CDCA2: variants seen among roughly 807,000 people sequenced by gnomAD.
The protein encoded by CDCA2 is cell division cycle-associated protein 2.
Under a neutral mutation model 67.0 loss-of-function variants are expected in CDCA2, and 44 were observed. The observed-to-expected ratio is 0.66, with a 90% CI of 0.52 to 0.84. CDCA2 has a LOEUF of 0.84. CDCA2 is among the 40% of genes least tolerant of loss of function. CDCA2 has a pLI of 0.00. For missense variants in CDCA2, 1,253 were observed against 1,203.2 expected, an observed-to-expected ratio of 1.04 and a Z score of -0.61; for synonymous variants, 447 against 418.7, an observed-to-expected ratio of 1.07 and a Z score of -0.82.
intron 7 of CDCA2, among the ~76,000 whole-genome samples, chr8:25,472,768 T>A (rs66471028): frequency 0.4 from 61,595 of 152,098 alleles, 12,883 homozygotes; most frequent in African/African-American, 0.52. Context: ...GGGAACAATA[T>A]GATATTTTGA....
intron 6 of CDCA2, among the ~76,000 whole-genome samples, chr8:25,468,626 G>GT: frequency 6.6e-6 from 1 of 151,816 alleles, no homozygotes; most frequent in Non-Finnish European, 1.5e-5. Context: ...ATTAGAAACA[G>GT]TTTGGATAAT....
intron 5 of CDCA2, 91 bp from the exon 6 acceptor site, chr8:25,468,126 A>AG (rs1802991349): frequency 8.5e-6 from 4 of 472,544 alleles, no homozygotes; most frequent in Non-Finnish European, 1.1e-5. Flanking sequence ...CTCAAAAAAA[A>AG]AAAAAAAAAA....
rs1167165129 is a variant in CDCA2 at position 25,507,372 on chromosome 8, C to T, written c.2706C>T (p.Asn902=). Residue 902 remains asparagine, a synonymous_variant, in exon 15 of 15, where the codon AAC becomes AAT. Coordinates refer to ENST00000330560, the MANE Select transcript of CDCA2 (RefSeq NM_152562.4). ...RSTRLQKDLE[N]EGLVWISLPL... ...CGAGGCTACAGAAGGATTTAGAAAA[C>T]GAAGGTCTTGTATGGATTTCACTTC... 10 of 1,613,220 alleles carry T rather than the reference C, an allele frequency of 6.2e-6. No homozygotes were observed. The highest frequency in any genetic ancestry group is 8.5e-6 in the Non-Finnish European group (10 of 1,179,884).
rs753752614 is a variant in CDCA2, at chr8:25,462,058, GTCA to G, written c.243_245del (p.Ser82del). On this transcript the variant is annotated inframe_deletion, in exon 4 of 15. Transcript: ENST00000330560. ...TATAAGAGAGTTTCATTACAGGAAA[GTCA>G]TCATCCTACCTTAAAAAATGTAGAC... is the stretch of plus-strand genomic sequence containing the variant. 2.5e-6 allele frequency: 4 copies of G among 1,613,388 alleles called. No homozygotes were observed. The highest frequency in any genetic ancestry group is 2.7e-5 in the African/African-American group (2 of 75,022).
At chr8:25,492,190 C>T (rs1804036647) in intron 13 of CDCA2, among the ~76,000 whole-genome samples, 1 of 152,024 alleles carries the variant, frequency 6.6e-6, no homozygotes. Flanking sequence ...GGCTCAATCA[C>T]TTCTCTCACC....
Position 25,507,897 on chromosome 8 carries a change from TTTC to T in CDCA2, c.*163_*165del, listed in dbSNP as rs1235466547. On this transcript the variant is annotated 3_prime_UTR_variant, in exon 15 of 15. Coordinates refer to ENST00000330560, the MANE Select transcript of CDCA2 (RefSeq NM_152562.4). Reference sequence around the variant, plus strand: ...CTACTTTTATGTAGAAATAAATAAGTTTCTTCATCATTCAGATAGAAAACATTC... The same window carrying T: ...CTACTTTTATGTAGAAATAAATAAGTTTCATCATTCAGATAGAAAACATTC... 7.1e-5 allele frequency: 41 copies of T among 580,954 alleles called. No individual in the cohort carries two copies. The highest frequency in any genetic ancestry group is 9.6e-5 in the Non-Finnish European group (36 of 374,814). 36.0% of individuals were successfully genotyped at this position (580,954 alleles called of 1,614,324 possible).
chr8:25,466,181 C>G lies in CDCA2; in HGVS notation c.394C>G (p.Pro132Ala). 6.2e-7 allele frequency: 1 copy of G among 1,609,048 alleles called. No individual in the cohort carries two copies. The highest frequency in any genetic ancestry group is 8.5e-7 in the Non-Finnish European group (1 of 1,178,772). Residue 132 changes from proline to alanine, a missense_variant, in exon 5 of 15, where the codon CCT becomes GCT. By Grantham distance (27) the Pro-to-Ala change is conservative. Transcript: ENST00000330560. ...ATATTTTGCACTTTCACAGGGCAGC[C>G]CTGCACTGTATCGAAATGTTAACAC... ...LAQDSPSQGSPALYRNVNTLR... is the reference protein window; with the variant it reads ...LAQDSPSQGSAALYRNVNTLR...
intron 9 of CDCA2, 93 bp downstream of exon 9, chr8:25,483,579 T>C: frequency 2.5e-6 from 2 of 803,046 alleles, no homozygotes; most frequent in Admixed American, 2.7e-5. Flanking sequence ...TGATCTATAA[T>C]GCCTTAGTGC....
chr8:25,460,995 C>T (rs771853043), intron 3 of CDCA2, among the ~76,000 whole-genome samples: 5 of 152,098 alleles, frequency 3.3e-5, no homozygotes, highest in Non-Finnish European at 7.4e-5. Flanking sequence ...GGGTTGGGCT[C>T]AGTGGCTCAA....
intron 3 of CDCA2, 46 bp downstream of exon 3, chr8:25,460,600 ATAACT>A: frequency 6.4e-7 from 1 of 1,552,088 alleles, no homozygotes; most frequent in Non-Finnish European, 8.7e-7. Flanking sequence ...AAGTTTAAAA[ATAACT>A]TTAATATAAC....
intron 13 of CDCA2, among the ~76,000 whole-genome samples, chr8:25,491,655 C>T (rs371006278): frequency 1.3e-3 from 193 of 152,334 alleles, no homozygotes; most frequent in African/African-American, 4.3e-3. Flanking sequence ...GTCTCACTCT[C>T]ACCCAGGCTG....
intron 7 of CDCA2, among the ~76,000 whole-genome samples, chr8:25,477,518 T>C (rs749190619): frequency 2.6e-5 from 4 of 152,206 alleles, no homozygotes; most frequent in South Asian, 2.1e-4. Context: ...TTTCTGGATT[T>C]TCAGGTTAGA....
At chr8:25,485,934 C>T in intron 11 of CDCA2, 97 bp downstream of exon 11, 1 of 640,060 alleles carries the variant, frequency 1.6e-6, no homozygotes, top group Non-Finnish European at 2.6e-6. Context: ...TATTTGTTAC[C>T]ACAACATATA....
chr8:25,463,078 T>C (rs12675625), intron 4 of CDCA2, among the ~76,000 whole-genome samples: 32,376 of 152,120 alleles, frequency 0.21, 4,076 homozygotes, highest in East Asian at 0.55. Context: ...TACTTTTCTA[T>C]GAGGTGAGGC....
rs752666454 is a variant in CDCA2, at chr8:25,484,026, C to T, written c.1181C>T (p.Thr394Ile). The change falls in exon 10 of 15, where the codon ACT becomes ATT. Residue 394 changes from threonine to isoleucine, a missense_variant. Physicochemically the swap from Thr to Ile is moderately conservative, Grantham distance 89. Coordinates refer to ENST00000330560, the MANE Select transcript of CDCA2 (RefSeq NM_152562.4). ...AATATGAGGAAGAGGAAGAGAGTTA[C>T]TTTTGGAGAGGACTTAAGCCCGGAA... ...FLNMRKRKRV[T>I]FGEDLSPEVF... is the part of the protein sequence containing the mutation. 7 of 1,614,008 alleles carry T rather than the reference C, an allele frequency of 4.3e-6. No individual in the cohort carries two copies. Among genetic ancestry groups the T allele is most frequent in the Non-Finnish European group, 5.9e-6 (7 of 1,180,032 alleles).
chr8:25,492,939 G>A (rs1169761940), intron 13 of CDCA2, among the ~76,000 whole-genome samples: 1 of 152,140 alleles, frequency 6.6e-6, no homozygotes, highest in Non-Finnish European at 1.5e-5. Context: ...GTTCATTCCT[G>A]CCTCCAGTGC....
chr8:25,485,598 A>G (rs1270713927), intron 10 of CDCA2, among the ~76,000 whole-genome samples, 161 bp from the exon 11 acceptor site: 3 of 152,126 alleles, frequency 2.0e-5, no homozygotes, highest in Admixed American at 1.3e-4. Flanking sequence ...TTTCTATTCA[A>G]TATCTTTGTT....
At chr8:25,489,766 A>T (rs1366643054) in intron 13 of CDCA2, among the ~76,000 whole-genome samples, 1 of 152,210 alleles carries the variant, frequency 6.6e-6, no homozygotes, top group African/African-American at 2.4e-5. Context: ...TGTGTTTTCC[A>T]GAATTCTCTT....
At chr8:25,499,125 A>G (rs912049486) in intron 13 of CDCA2, among the ~76,000 whole-genome samples, 1 of 152,018 alleles carries the variant, frequency 6.6e-6, no homozygotes, top group Non-Finnish European at 1.5e-5. Flanking sequence ...GAAATTTTCC[A>G]TAATCAAAAG....
Sources: allele counts gnomAD v4.1 joint callset (sites outside exome capture counted in the v4.1 genomes callset), GRCh38; gene constraint gnomAD v4.1.1; transcripts MANE v1.5; gene names NCBI Gene and HGNC (gene_info 2026-07-23, HGNC 2026-07-21).